The following ZNF385B variants were observed in gnomAD, a reference collection of about 807,000 sequenced individuals.
ZNF385B encodes zinc finger protein 533.
Under a neutral mutation model 39.2 loss-of-function variants are expected in ZNF385B, and 23 were observed. The ratio of observed to expected loss-of-function variants is 0.59; its 90% CI spans 0.42 to 0.83. The LOEUF (loss-of-function observed/expected upper bound fraction) is 0.83. Ranked by LOEUF, ZNF385B falls within the 40% of genes least tolerant of loss-of-function variation. The pLI, the probability that ZNF385B is intolerant of heterozygous loss-of-function variation, is 0.00. For missense variants in ZNF385B, 552 were observed against 598.9 expected, an observed-to-expected ratio of 0.92 and a Z score of 0.82; for synonymous variants, 205 against 222.6, an observed-to-expected ratio of 0.92 and a Z score of 0.70.
chr2:179,849,235 G>A (rs10930887), intron 1 of ZNF385B, among the ~76,000 whole-genome samples: 73,549 of 151,944 alleles, frequency 0.48, 19,603 homozygotes, highest in East Asian at 0.83. Context: ...CCATGCAAAC[G>A]AAAAGGACAA....
intron 6 of ZNF385B, among the ~76,000 whole-genome samples, chr2:179,468,451 T>C (rs1423274507): frequency 6.6e-6 from 1 of 152,154 alleles, no homozygotes; most frequent in African/African-American, 2.4e-5. Context: ...TTATGGAAAA[T>C]AGAATGAGTA....
chr2:179,594,408 A>C (rs1333921218), intron 3 of ZNF385B, among the ~76,000 whole-genome samples: 1 of 152,208 alleles, frequency 6.6e-6, no homozygotes, highest in African/African-American at 2.4e-5. Flanking sequence ...ATCATCATAC[A>C]CTTTATAATA....
chr2:179,632,202 T>A (rs572769330), intron 3 of ZNF385B, among the ~76,000 whole-genome samples: 2 of 152,212 alleles, frequency 1.3e-5, no homozygotes, highest in Non-Finnish European at 2.9e-5. Context: ...CAAGTAGACC[T>A]AATAGACATC....
chr2:179,679,728 C>T (rs1697344713), intron 3 of ZNF385B, among the ~76,000 whole-genome samples: 1 of 152,208 alleles, frequency 6.6e-6, no homozygotes, highest in African/African-American at 2.4e-5. Context: ...TGAATCACCT[C>T]CCACCCCTAA....
In ZNF385B at chr2:179,690,071, T is replaced by C. The variant is rs141487642; in HGVS notation, c.298+79432A>G. Among the ~76,000 whole-genome samples, 697 of 152,252 alleles carry C rather than the reference T, an allele frequency of 4.6e-3. 9 individuals are homozygous for C. Among genetic ancestry groups the C allele is most frequent in the African/African-American group, 0.015 (622 of 41,552 alleles). ...TGCCCATACCTTAGAAAATATTAACTTCATTAAACTCTCTTCAATTACTCT... is the reference window on the plus strand; with the variant it reads ...TGCCCATACCTTAGAAAATATTAACCTCATTAAACTCTCTTCAATTACTCT... On this transcript the variant is annotated intron_variant, in intron 3 of 9. Transcript: ENST00000410066.
Position 179,483,395 on chromosome 2 carries a change from T to C in ZNF385B, c.592A>G (p.Lys198Glu). ...GTTGCGTCTAGTGCTTTGACCTTCTTGGCATGTTTACTTCCTTTGTAGTGG... is the reference window on the plus strand; with the variant it reads ...GTTGCGTCTAGTGCTTTGACCTTCTCGGCATGTTTACTTCCTTTGTAGTGG... ...EAHYKGSKHA[K>E]KVKALDATKN... is the part of the protein sequence containing the mutation. The change falls in exon 6 of 10, where the codon AAG (lysine) becomes GAG (glutamate). Residue 198 changes from lysine (K) to glutamate (E), a missense_variant. By Grantham distance (56) the Lys-to-Glu change is moderately conservative (BLOSUM62 1). Coordinates refer to ENST00000410066, the MANE Select transcript of ZNF385B (RefSeq NM_152520.6). The C allele has an allele frequency of 6.2e-7, 1 of 1,614,034 alleles. No individual in the cohort carries two copies. The highest frequency in any genetic ancestry group is 8.5e-7 in the Non-Finnish European group (1 of 1,179,928).
chr2:179,665,454 C>T (rs1365550560), intron 3 of ZNF385B, among the ~76,000 whole-genome samples: 2 of 152,124 alleles, frequency 1.3e-5, no homozygotes, highest in Non-Finnish European at 2.9e-5. Flanking sequence ...GGTGACAATG[C>T]CATTTCTACC....
chr2:179,762,117 T>C (rs1029806746), intron 3 of ZNF385B, among the ~76,000 whole-genome samples: 17 of 152,146 alleles, frequency 1.1e-4, no homozygotes, highest in Non-Finnish European at 2.4e-4. Flanking sequence ...TTTTCTCAAA[T>C]GTTTTTACTG....
At chr2:179,654,221 T>C (rs1354425111) in intron 3 of ZNF385B, among the ~76,000 whole-genome samples, 1 of 152,154 alleles carries the variant, frequency 6.6e-6, no homozygotes, top group Admixed American at 6.5e-5. Flanking sequence ...TACACAGGTA[T>C]ACCGTGTCTC....
intron 1 of ZNF385B, among the ~76,000 whole-genome samples, chr2:179,827,607 C>T (rs1400767928): frequency 1.3e-5 from 2 of 152,022 alleles, no homozygotes; most frequent in Non-Finnish European, 2.9e-5. Context: ...AAATAAACCT[C>T]ACATATCTCT....
chr2:179,843,088 C>T (rs1053093289), intron 1 of ZNF385B, among the ~76,000 whole-genome samples: 2 of 152,178 alleles, frequency 1.3e-5, no homozygotes, highest in Non-Finnish European at 1.5e-5. Flanking sequence ...ATCAATCTCT[C>T]TCTTCCATTC....
chr2:179,689,271 T>C (rs1457137318), intron 3 of ZNF385B, among the ~76,000 whole-genome samples: 1 of 152,154 alleles, frequency 6.6e-6, no homozygotes, highest in African/African-American at 2.4e-5. Context: ...AGAAAAGCTT[T>C]ACGGGTAAAA....
At chr2:179,698,342 C>A (rs969880665) in intron 3 of ZNF385B, among the ~76,000 whole-genome samples, 1 of 152,108 alleles carries the variant, frequency 6.6e-6, no homozygotes, top group African/African-American at 2.4e-5. Context: ...AAAATTATTT[C>A]TATCACAAAG....
At chr2:179,612,909 G>A (rs1689411816) in intron 3 of ZNF385B, among the ~76,000 whole-genome samples, 1 of 152,130 alleles carries the variant, frequency 6.6e-6, no homozygotes, top group Admixed American at 6.5e-5. Context: ...TCTACTTGGT[G>A]TTCTATGCTA....
chr2:179,591,853 G>T (rs1687593480), intron 3 of ZNF385B, among the ~76,000 whole-genome samples: 2 of 151,978 alleles, frequency 1.3e-5, no homozygotes, highest in South Asian at 4.1e-4. Context: ...TTCCCTCCAG[G>T]GCCATTCTGT....
chr2:179,756,784 C>T (rs993495705), intron 3 of ZNF385B, among the ~76,000 whole-genome samples: 1 of 151,386 alleles, frequency 6.6e-6, no homozygotes, highest in African/African-American at 2.4e-5. Flanking sequence ...GAGGCTTGTG[C>T]AGTTCTCATG....
rs1693708196 is a variant in ZNF385B at position 179,655,906 on chromosome 2, AG to A, written c.299-110938del. 2.6e-5 allele frequency among the ~76,000 whole-genome samples: 4 copies of A among 152,328 alleles called. No homozygotes were observed. In the South Asian group the frequency reaches 8.3e-4, roughly 32 times the overall value. On this transcript the variant is annotated intron_variant, in intron 3 of 9. Transcript: ENST00000410066. ...ATTACTTTACAGCTCAGTGCAATGT[AG>A]TATTTAAAGAAAAGGTATTTCAATA... is the stretch of plus-strand genomic sequence containing the variant.
At chr2:179,717,550 T>C (rs905379333) in intron 3 of ZNF385B, among the ~76,000 whole-genome samples, 7 of 152,144 alleles carry the variant, frequency 4.6e-5, no homozygotes, top group African/African-American at 1.4e-4. Context: ...CTGGGCAACA[T>C]AGTGAGACCC....
At chr2:179,741,304 A>AT (rs1262524129) in intron 3 of ZNF385B, among the ~76,000 whole-genome samples, 3 of 151,932 alleles carry the variant, frequency 2.0e-5, no homozygotes, top group Non-Finnish European at 2.9e-5. Context: ...CACTTCTGTG[A>AT]TTTTTTTTCT....
Sources: allele counts gnomAD v4.1 joint callset (sites outside exome capture counted in the v4.1 genomes callset), GRCh38; gene constraint gnomAD v4.1.1; transcripts MANE v1.5; gene names NCBI Gene and HGNC (gene_info 2026-07-23, HGNC 2026-07-21).